Variants in ANK1 observed in about 807,000 individuals in gnomAD.
ANK1 encodes the protein ankyrin 1, also known as ankyrin-1.
A neutral mutation model predicts 210.4 loss-of-function variants in ANK1; 51 were observed. That is an observed-to-expected ratio of 0.24 (90% CI 0.19 to 0.31). The LOEUF (loss-of-function observed/expected upper bound fraction) is 0.31. Among genes scored for constraint, ANK1 ranks in the 10% least tolerant of loss-of-function variants. ANK1 has a pLI of 1.00. For missense variants in ANK1, 2,051 were observed against 2,504.4 expected, an observed-to-expected ratio of 0.82 and a Z score of 3.86; for synonymous variants, 967 against 1,025.9, an observed-to-expected ratio of 0.94 and a Z score of 1.10.
chr8:41,768,716 T>C (rs1163223953), intron 1 of ANK1, among the ~76,000 whole-genome samples: 1 of 151,720 alleles, frequency 6.6e-6, no homozygotes, highest in Admixed American at 6.6e-5. Flanking sequence ...AATCCCAGCA[T>C]TTTGGGAGGC....
intron 1 of ANK1, among the ~76,000 whole-genome samples, chr8:41,849,925 A>T (rs144226437): frequency 5.3e-4 from 80 of 152,242 alleles, no homozygotes; most frequent in African/African-American, 1.8e-3. Context: ...TGCTACAAGC[A>T]GACAGTATCA....
chr8:41,662,333 G>A (rs554762975), intron 40 of ANK1, among the ~76,000 whole-genome samples: 2 of 152,164 alleles, frequency 1.3e-5, no homozygotes, highest in African/African-American at 4.8e-5. Context: ...AATGAGCTCC[G>A]AGGGGGAGGT....
intron 22 of ANK1, among the ~76,000 whole-genome samples, chr8:41,700,022 C>T (rs1014650542): frequency 5.3e-5 from 8 of 152,230 alleles, no homozygotes; most frequent in East Asian, 1.9e-4. Context: ...TTTCAAACTA[C>T]GGGTCAATCG....
intron 22 of ANK1, among the ~76,000 whole-genome samples, chr8:41,701,113 TG>T (rs1822653610): frequency 6.6e-6 from 1 of 152,182 alleles, no homozygotes; most frequent in Admixed American, 6.5e-5. Context: ...CAAAACCTAT[TG>T]ACCCACTATG....
chr8:41,690,901 C>T (rs920844048), intron 31 of ANK1, among the ~76,000 whole-genome samples: 1 of 151,858 alleles, frequency 6.6e-6, no homozygotes, highest in Non-Finnish European at 1.5e-5. Flanking sequence ...CATAACATAG[C>T]TTCTGAAAAC....
intron 1 of ANK1, among the ~76,000 whole-genome samples, chr8:41,794,743 C>T (rs576093385): frequency 6.6e-6 from 1 of 152,274 alleles, no homozygotes; most frequent in African/African-American, 2.4e-5. Context: ...CTCACTCTGT[C>T]ACCCAGGCTG....
intron 20 of ANK1, among the ~76,000 whole-genome samples, chr8:41,703,450 A>ATATATTTTTTTTTT (rs59985416): frequency 1.7e-5 from 1 of 58,820 alleles, no homozygotes; most frequent in African/African-American, 9.0e-5. Flanking sequence ...ATATATATAT[A>ATATATTTTTTTTTT]TTTTTTTTTT....
In ANK1 at chr8:41,672,785, C is replaced by T. The variant is rs372732341; in HGVS notation, c.4665G>A (p.Thr1555=). 212 of 1,603,640 alleles carry T rather than the reference C, an allele frequency of 1.3e-4. No homozygotes were observed. The highest frequency in any genetic ancestry group is 5.0e-4 in the Middle Eastern group (3 of 6,006). ...ACATCTCCAGCATGGTGTCATGCTC[C>T]GTGGCCGCCAAGGGGATGGCGTCTA... The part of the protein sequence containing the change: ...AVLDAIPLAA[T]EHDTMLEMSD... The change falls in exon 38 of 43, where the codon ACG becomes ACA. Residue 1555 remains threonine (T), a synonymous_variant. Transcript: ENST00000289734.
At chr8:41,686,349 C>T in intron 35 of ANK1, 66 bp from the exon 36 acceptor site, 1 of 1,607,572 alleles carries the variant, frequency 6.2e-7, no homozygotes. Context: ...GCCTCCAGCA[C>T]ACAGGCTGGG....
chr8:41,776,427 C>G (rs1844053811), intron 1 of ANK1, among the ~76,000 whole-genome samples: 1 of 152,160 alleles, frequency 6.6e-6, no homozygotes, highest in Non-Finnish European at 1.5e-5. Flanking sequence ...CCAGTCCACT[C>G]CAATCGAGTT....
Position 41,779,720 on chromosome 8 carries a change from G to A in ANK1, c.27+17792C>T, listed in dbSNP as rs115083127. On this transcript the variant is annotated intron_variant, in intron 1 of 42. Transcript: ENST00000289734. The stretch of plus-strand genomic sequence containing the variant: ...CTCACAGCAACTTTATAAGTCAGGT[G>A]TTCTACTTATCCTTATTTTACAAGT... Among the ~76,000 whole-genome samples, 682 of 152,326 alleles carry A rather than the reference G, an allele frequency of 4.5e-3. 4 individuals are homozygous for A. Among genetic ancestry groups the A allele is most frequent in the African/African-American group, 0.015 (638 of 41,556 alleles).
chr8:41,700,010 A>C (rs1331751719), intron 22 of ANK1, among the ~76,000 whole-genome samples: 1 of 152,208 alleles, frequency 6.6e-6, no homozygotes, highest in African/African-American at 2.4e-5. Context: ...TATCACAAAG[A>C]GTTTCAAACT....
chr8:41,767,337 C>G (rs1285725817), intron 1 of ANK1, among the ~76,000 whole-genome samples: 2 of 151,558 alleles, frequency 1.3e-5, no homozygotes, highest in Admixed American at 6.6e-5. Flanking sequence ...AGCTCGTGCA[C>G]TCACCGCAGG....
At chr8:41,819,504 G>A (rs1803856082) in intron 1 of ANK1, among the ~76,000 whole-genome samples, 1 of 152,192 alleles carries the variant, frequency 6.6e-6, no homozygotes, top group East Asian at 1.9e-4. Context: ...TGAAAATGGT[G>A]CCTCCAGCCT....
intron 2 of ANK1, among the ~76,000 whole-genome samples, chr8:41,752,997 C>T (rs1045076522): frequency 1.3e-5 from 2 of 151,680 alleles, no homozygotes; most frequent in Non-Finnish European, 2.9e-5. Context: ...AGCAGTACAG[C>T]TGTGCAGGTG....
chr8:41,690,204 C>A (rs758328153), intron 33 of ANK1, 23 bp downstream of exon 33: 1 of 1,613,920 alleles, frequency 6.2e-7, no homozygotes, highest in South Asian at 1.1e-5. Context: ...CGGGCCAAGG[C>A]TCCTCGGCAG....
At chr8:41,755,414 T>C (rs1419751036) in intron 2 of ANK1, among the ~76,000 whole-genome samples, 4 of 152,234 alleles carry the variant, frequency 2.6e-5, no homozygotes, top group African/African-American at 9.6e-5. Context: ...ATGGATTCCT[T>C]TGAGAGCTAG....
At chr8:41,714,402 A>T in intron 15 of ANK1, 148 bp from the exon 16 acceptor site, 1 of 603,448 alleles carries the variant, frequency 1.7e-6, no homozygotes, top group Non-Finnish European at 2.7e-6. Context: ...GTCATGACAG[A>T]ATGTCATCGG....
intron 1 of ANK1, among the ~76,000 whole-genome samples, chr8:41,845,176 G>A (rs1393146010): frequency 5.9e-5 from 9 of 152,130 alleles, no homozygotes; most frequent in African/African-American, 2.2e-4. Flanking sequence ...CCTGAGCTCA[G>A]GAGTTCGAGA....
Sources: allele counts gnomAD v4.1 joint callset (sites outside exome capture counted in the v4.1 genomes callset), GRCh38; gene constraint gnomAD v4.1.1; transcripts MANE v1.5; gene names NCBI Gene and HGNC (gene_info 2026-07-23, HGNC 2026-07-21).